The following PABPC4L variants were observed in gnomAD, a reference collection of about 807,000 sequenced individuals.
The protein encoded by PABPC4L is poly(A) binding protein cytoplasmic 4 like.
For missense variants in PABPC4L, 452 were observed against 451.4 expected, an observed-to-expected ratio of 1.00 and a Z score of -0.01; for synonymous variants, 169 against 164.1, an observed-to-expected ratio of 1.03 and a Z score of -0.23.
the PABPC4L span, among the ~76,000 whole-genome samples, chr4:134,048,675 C>G: frequency 6.6e-6 from 1 of 152,018 alleles, no homozygotes; most frequent in African/African-American, 2.4e-5. Flanking sequence ...AATGATCATT[C>G]AAATCACATT....
At chr4:134,094,896 T>C in the PABPC4L span, among the ~76,000 whole-genome samples, 1 of 151,728 alleles carries the variant, frequency 6.6e-6, no homozygotes, top group Admixed American at 6.6e-5. Context: ...CTGTATGTTC[T>C]TTTATTTCCC....
At chr4:133,996,760 C>A in the PABPC4L span, among the ~76,000 whole-genome samples, 7 of 152,106 alleles carry the variant, frequency 4.6e-5, no homozygotes, top group African/African-American at 1.7e-4. Context: ...CTTAGCACCG[C>A]CAATGACAGT....
chr4:134,072,571 G>A, the PABPC4L span, among the ~76,000 whole-genome samples: 10 of 152,196 alleles, frequency 6.6e-5, no homozygotes, highest in Non-Finnish European at 1.2e-4. Flanking sequence ...TTTAGGAACA[G>A]AGGTTTAAAG....
At chr4:134,005,412 T>G in the PABPC4L span, among the ~76,000 whole-genome samples, 1 of 151,886 alleles carries the variant, frequency 6.6e-6, no homozygotes, top group Non-Finnish European at 1.5e-5. Flanking sequence ...AAGGAAGAGA[T>G]GTGATTGTGA....
the PABPC4L span, among the ~76,000 whole-genome samples, chr4:134,084,183 G>A: frequency 6.6e-6 from 1 of 152,042 alleles, no homozygotes; most frequent in African/African-American, 2.4e-5. Context: ...CAAGTAGCTA[G>A]GACTACAGGC....
At chr4:134,177,166 TC>T in the PABPC4L span, among the ~76,000 whole-genome samples, 2 of 144,236 alleles carry the variant, frequency 1.4e-5, no homozygotes, top group African/African-American at 5.2e-5. Context: ...ATCCCAGCCA[TC>T]CCTTTTTTCT....
chr4:134,200,759 C>T lies in PABPC4L; in HGVS notation c.261G>A (p.Gln87=), dbSNP rs1729838736. The T allele has an allele frequency of 2.6e-6, 4 of 1,551,744 alleles. No homozygotes were observed. The highest frequency in any genetic ancestry group is 3.5e-6 in the Non-Finnish European group (4 of 1,146,998). ...KGKSIRLMWS[Q]RDAYLRRSGI... is the part of the protein sequence containing the mutation. ...CAGATCTCCTCAAGTAGGCATCGCGCTGAGACCACATGAGACGGATGGATT... is the reference window on the plus strand; with the variant it reads ...CAGATCTCCTCAAGTAGGCATCGCGTTGAGACCACATGAGACGGATGGATT... The change falls in exon 2 of 2, where the codon CAG becomes CAA. Residue 87 remains glutamine, a synonymous_variant. Transcript: ENST00000421491.
chr4:134,137,388 C>G, the PABPC4L span, among the ~76,000 whole-genome samples: 1 of 151,820 alleles, frequency 6.6e-6, no homozygotes, highest in South Asian at 2.1e-4. Context: ...CCAATGTTTA[C>G]AAGTATAAGA....
At chr4:133,980,691 T>A in the PABPC4L span, among the ~76,000 whole-genome samples, 1 of 152,136 alleles carries the variant, frequency 6.6e-6, no homozygotes, top group East Asian at 1.9e-4. Flanking sequence ...TTAATCAAAC[T>A]CCAATGAGTT....
the PABPC4L span, among the ~76,000 whole-genome samples, chr4:134,006,249 T>C: frequency 6.6e-6 from 1 of 151,700 alleles, no homozygotes; most frequent in East Asian, 1.9e-4. Flanking sequence ...ATAACATTTC[T>C]TTGTGATTTT....
chr4:134,131,816 T>C, the PABPC4L span, among the ~76,000 whole-genome samples: 1 of 149,896 alleles, frequency 6.7e-6, no homozygotes, highest in Non-Finnish European at 1.5e-5. Context: ...CTTCACACTT[T>C]ACTGTAAGGT....
the PABPC4L span, among the ~76,000 whole-genome samples, chr4:134,009,501 TACTA>T: frequency 3.3e-5 from 5 of 152,010 alleles, no homozygotes; most frequent in Non-Finnish European, 7.4e-5. Context: ...TTGGCTACAG[TACTA>T]ATTCTGAATA....
At chr4:134,031,349 A>T in the PABPC4L span, among the ~76,000 whole-genome samples, 2 of 151,838 alleles carry the variant, frequency 1.3e-5, no homozygotes, top group East Asian at 3.9e-4. Flanking sequence ...TTGTGTATTC[A>T]TCTCTTTTAA....
At chr4:134,179,041 T>C in the PABPC4L span, among the ~76,000 whole-genome samples, 555 of 152,008 alleles carry the variant, frequency 3.7e-3, 4 homozygotes, top group African/African-American at 0.012. Flanking sequence ...ATTGAGGAAA[T>C]ACAGAGAATC....
At chr4:134,006,117 G>A in the PABPC4L span, among the ~76,000 whole-genome samples, 3 of 151,778 alleles carry the variant, frequency 2.0e-5, no homozygotes, top group African/African-American at 7.3e-5. Context: ...TTTAGGTCAT[G>A]GGGATTACTC....
intron 1 of PABPC4L, 35 bp from the exon 2 acceptor site, chr4:134,201,280 A>C: frequency 6.9e-7 from 1 of 1,455,390 alleles, no homozygotes; most frequent in Non-Finnish European, 9.2e-7. Flanking sequence ...TTAGGACAAG[A>C]CGTTCCTTCC....
the PABPC4L span, among the ~76,000 whole-genome samples, chr4:133,962,679 A>G: frequency 1.3e-5 from 2 of 152,172 alleles, no homozygotes; most frequent in African/African-American, 4.8e-5. Context: ...TGGGGCTAGA[A>G]GGGATTGGGG....
At chr4:134,041,823 G>A in the PABPC4L span, among the ~76,000 whole-genome samples, 2 of 152,102 alleles carry the variant, frequency 1.3e-5, no homozygotes, top group Non-Finnish European at 2.9e-5. Flanking sequence ...TACACTGCTG[G>A]TGATAATGTA....
At chr4:134,160,531 A>G in the PABPC4L span, among the ~76,000 whole-genome samples, 1 of 152,212 alleles carries the variant, frequency 6.6e-6, no homozygotes, top group Non-Finnish European at 1.5e-5. Context: ...GAATATTGTA[A>G]TAAATGCCTG....
Sources: allele counts gnomAD v4.1 joint callset (sites outside exome capture counted in the v4.1 genomes callset), GRCh38; gene constraint gnomAD v4.1.1; transcripts MANE v1.5; gene names NCBI Gene and HGNC (gene_info 2026-07-23, HGNC 2026-07-21).